TBL1XR1: variants seen among roughly 807,000 people sequenced by gnomAD.
TBL1XR1 encodes TBL1X/Y related 1.
Under a neutral mutation model 66.9 loss-of-function variants are expected in TBL1XR1, and 5 were observed. The ratio of observed to expected loss-of-function variants is 0.07; its 90% CI spans 0.04 to 0.16. TBL1XR1 has a LOEUF of 0.16. Among genes scored for constraint, TBL1XR1 ranks in the 10% least tolerant of loss-of-function variants. The probability of loss-of-function intolerance (pLI) is 1.00; values close to 1 mark genes in which losing one functional copy is unlikely to be tolerated. For missense variants in TBL1XR1, 238 were observed against 623.2 expected (o/e 0.38, Z 6.58); for synonymous variants, 210 against 206.0 (o/e 1.02, Z -0.17).
At chr3:177,196,657 G>A (rs2109028038) in intron 1 of TBL1XR1, among the ~76,000 whole-genome samples, 1 of 151,856 alleles carries the variant, frequency 6.6e-6, no homozygotes, top group East Asian at 2.0e-4. Context: ...CTTCTCCTCT[G>A]CTAAAAATAG....
chr3:177,074,902 T>C (rs1462654392), intron 2 of TBL1XR1, among the ~76,000 whole-genome samples: 1 of 152,186 alleles, frequency 6.6e-6, no homozygotes, highest in South Asian at 2.1e-4. Flanking sequence ...GTGAACACCA[T>C]GCACAACACG....
At chr3:177,053,603 G>A (rs1217488898) in intron 4 of TBL1XR1, among the ~76,000 whole-genome samples, 170 bp downstream of exon 4, 1 of 152,124 alleles carries the variant, frequency 6.6e-6, no homozygotes, top group Non-Finnish European at 1.5e-5. Context: ...TTACAACTAG[G>A]CGCCAACACC....
chr3:177,187,439 G>GT (rs1277876952), intron 1 of TBL1XR1, among the ~76,000 whole-genome samples: 1 of 148,706 alleles, frequency 6.7e-6, no homozygotes. Flanking sequence ...AGGAATTGAA[G>GT]TATCGAGTAT....
At chr3:177,087,607 A>C (rs1279007247) in intron 2 of TBL1XR1, among the ~76,000 whole-genome samples, 1 of 152,242 alleles carries the variant, frequency 6.6e-6, no homozygotes, top group Admixed American at 6.5e-5. Flanking sequence ...GAAGTTGAAG[A>C]AGCAAACAAA....
intron 1 of TBL1XR1, among the ~76,000 whole-genome samples, chr3:177,129,352 A>C (rs1163882029): frequency 2.0e-5 from 3 of 152,174 alleles, no homozygotes; most frequent in African/African-American, 4.8e-5. Flanking sequence ...AGAAAATAAA[A>C]ATTTTAAAGC....
intron 1 of TBL1XR1, among the ~76,000 whole-genome samples, chr3:177,160,557 T>A (rs1307013332): frequency 1.3e-5 from 2 of 152,024 alleles, no homozygotes; most frequent in African/African-American, 4.8e-5. Context: ...AGTCCATAGT[T>A]CCCATTCTGC....
chr3:177,188,324 A>G (rs891665985), intron 1 of TBL1XR1, among the ~76,000 whole-genome samples: 1 of 152,094 alleles, frequency 6.6e-6, no homozygotes, highest in African/African-American at 2.4e-5. Flanking sequence ...CAAGGTGGGC[A>G]GATCACCTGA....
chr3:177,120,632 T>A (rs1203311696), intron 1 of TBL1XR1: 1 of 152,208 alleles, frequency 6.6e-6, no homozygotes, highest in Non-Finnish European at 1.5e-5. Context: ...CCACTCAAAC[T>A]TCCTTTTCGC....
chr3:177,150,362 C>T (rs552301123), intron 1 of TBL1XR1, among the ~76,000 whole-genome samples: 3 of 152,232 alleles, frequency 2.0e-5, no homozygotes, highest in South Asian at 2.1e-4. Context: ...CCTTAAAACT[C>T]GGCAAAATAA....
intron 1 of TBL1XR1, among the ~76,000 whole-genome samples, chr3:177,182,033 C>A (rs548029917): frequency 1.3e-5 from 2 of 152,288 alleles, no homozygotes; most frequent in Admixed American, 6.5e-5. Flanking sequence ...CAAAAGGATT[C>A]TGCAGATGAC....
At chr3:177,046,335 C>T in intron 9 of TBL1XR1, 146 bp from the exon 10 acceptor site, 1 of 541,842 alleles carries the variant, frequency 1.8e-6, no homozygotes, top group Non-Finnish European at 3.1e-6. Flanking sequence ...TACCACAAGG[C>T]TATATACTTT....
chr3:177,108,083 A>T (rs1410995631), intron 1 of TBL1XR1, among the ~76,000 whole-genome samples: 1 of 152,146 alleles, frequency 6.6e-6, no homozygotes, highest in Non-Finnish European at 1.5e-5. Context: ...TTGACTCTGA[A>T]GCAATTCCCA....
chr3:177,189,185 G>A lies in TBL1XR1; in HGVS notation c.-122+7936C>T, dbSNP rs143954765. ...ATCATGCCACTGCACTCCAGCTTAG[G>A]CAACAGAATGAGTCTTTGTCTCAAA... On this transcript the variant is annotated intron_variant, in intron 1 of 15. Transcript: ENST00000457928. Among the ~76,000 whole-genome samples, 25 of 150,848 alleles carry A rather than the reference G, an allele frequency of 1.7e-4. No homozygotes were observed. The East Asian group carries it at 4.8e-3, about 29-fold the overall frequency.
chr3:177,149,145 T>C (rs974966469), intron 1 of TBL1XR1, among the ~76,000 whole-genome samples: 1 of 152,212 alleles, frequency 6.6e-6, no homozygotes, highest in Admixed American at 6.5e-5. Context: ...CAACAGCCAA[T>C]GCTAGCCATT....
intron 1 of TBL1XR1, among the ~76,000 whole-genome samples, chr3:177,130,418 T>C (rs961706586): frequency 1.3e-5 from 2 of 152,106 alleles, no homozygotes; most frequent in African/African-American, 2.4e-5. Context: ...CAGATATCGA[T>C]TTGGGAATGA....
chr3:177,052,011 A>C (rs1220757532), intron 4 of TBL1XR1, among the ~76,000 whole-genome samples: 1 of 152,238 alleles, frequency 6.6e-6, no homozygotes, highest in Non-Finnish European at 1.5e-5. Flanking sequence ...GGCCGAGCTG[A>C]TAAAAAGGCT....
intron 1 of TBL1XR1, among the ~76,000 whole-genome samples, chr3:177,132,464 T>C (rs1728420705): frequency 6.6e-6 from 1 of 152,186 alleles, no homozygotes; most frequent in Non-Finnish European, 1.5e-5. Context: ...AACCACAGAT[T>C]GATGAGCACT....
In TBL1XR1 at chr3:177,047,285, T is replaced by G. The variant is rs1378093938; in HGVS notation, c.864+15A>C. The G allele has an allele frequency of 6.5e-7, 1 of 1,543,406 alleles. No individual in the cohort carries two copies. Among genetic ancestry groups the G allele is most frequent in the Non-Finnish European group, 8.7e-7 (1 of 1,143,890 alleles). Reference sequence around the variant, plus strand: ...TGTAATACATTTGCCTTTACAGAACTTAATGAGCTTTTACCTTGTCTACTC... The same window carrying G: ...TGTAATACATTTGCCTTTACAGAACGTAATGAGCTTTTACCTTGTCTACTC... On this transcript the variant is annotated intron_variant, in intron 9 of 15. Coordinates refer to ENST00000457928, the MANE Select transcript of TBL1XR1 (RefSeq NM_024665.7).
At chr3:177,055,044 C>G (rs967005087) in intron 3 of TBL1XR1, among the ~76,000 whole-genome samples, 5 of 152,010 alleles carry the variant, frequency 3.3e-5, no homozygotes, top group African/African-American at 9.7e-5. Context: ...TTAAATTGTA[C>G]AAGTAATATA....
Sources: allele counts gnomAD v4.1 joint callset (sites outside exome capture counted in the v4.1 genomes callset), GRCh38; gene constraint gnomAD v4.1.1; transcripts MANE v1.5; gene names NCBI Gene and HGNC (gene_info 2026-07-23, HGNC 2026-07-21).